Variants in ENTREP2 observed in about 807,000 individuals in gnomAD.
ENTREP2 encodes the protein protein ENTREP2.
the ENTREP2 span, among the ~76,000 whole-genome samples, chr15:29,656,164 A>G: frequency 1.2e-4 from 19 of 152,268 alleles, no homozygotes; most frequent in African/African-American, 4.6e-4. Flanking sequence ...TTTTTCATAT[A>G]AACAAAAATT....
At chr15:29,156,245 C>A in the ENTREP2 span, among the ~76,000 whole-genome samples, 2 of 151,960 alleles carry the variant, frequency 1.3e-5, no homozygotes, top group African/African-American at 4.8e-5. Flanking sequence ...AGTGCAGTAG[C>A]GTGATCTTGG....
the ENTREP2 span, among the ~76,000 whole-genome samples, chr15:29,556,762 G>GCCCCCC: frequency 2.0e-3 from 79 of 38,948 alleles, no homozygotes; most frequent in Middle Eastern, 0.011. Flanking sequence ...CCATGCAGGT[G>GCCCCCC]CCCCCCCCCC....
At chr15:29,642,544 CA>C in the ENTREP2 span, among the ~76,000 whole-genome samples, 15 of 147,386 alleles carry the variant, frequency 1.0e-4, no homozygotes, top group Admixed American at 2.7e-4. Context: ...ATCATATGTA[CA>C]TATATACACA....
chr15:29,209,242 C>T, the ENTREP2 span, among the ~76,000 whole-genome samples: 1 of 152,280 alleles, frequency 6.6e-6, no homozygotes, highest in East Asian at 1.9e-4. Flanking sequence ...TGGCTCATGC[C>T]TGTAATCCCA....
chr15:29,430,173 C>G, the ENTREP2 span, among the ~76,000 whole-genome samples: 1 of 152,106 alleles, frequency 6.6e-6, no homozygotes, highest in Non-Finnish European at 1.5e-5. Context: ...GAGATACCAC[C>G]TGTCTCCCCC....
the ENTREP2 span, among the ~76,000 whole-genome samples, chr15:29,410,881 G>A: frequency 1.3e-5 from 2 of 152,154 alleles, no homozygotes; most frequent in African/African-American, 4.8e-5. Context: ...CGCCTCCCAG[G>A]TTCAAGCAAT....
chr15:29,612,187 C>G, the ENTREP2 span, among the ~76,000 whole-genome samples: 3 of 152,166 alleles, frequency 2.0e-5, no homozygotes, highest in Non-Finnish European at 4.4e-5. Flanking sequence ...TCCTCACGTG[C>G]ATTCCACAGT....
At chr15:29,470,025 T>C in the ENTREP2 span, among the ~76,000 whole-genome samples, 1 of 152,186 alleles carries the variant, frequency 6.6e-6, no homozygotes, top group African/African-American at 2.4e-5. Flanking sequence ...AAGCCACAGA[T>C]TCAATATCAT....
At chr15:29,576,893 C>T in the ENTREP2 span, among the ~76,000 whole-genome samples, 39 of 151,956 alleles carry the variant, frequency 2.6e-4, no homozygotes, top group Admixed American at 7.2e-4. Context: ...CTGCAAGCTC[C>T]GCCTCCCAGG....
chr15:29,629,624 T>C, the ENTREP2 span, among the ~76,000 whole-genome samples: 2 of 152,230 alleles, frequency 1.3e-5, no homozygotes, highest in African/African-American at 4.8e-5. Context: ...AGTACTTCTA[T>C]ATACACTGAG....
At chr15:29,450,408 T>C in the ENTREP2 span, among the ~76,000 whole-genome samples, 1 of 152,172 alleles carries the variant, frequency 6.6e-6, no homozygotes, top group Non-Finnish European at 1.5e-5. Flanking sequence ...TTTTTGTATA[T>C]GGTGAAGGGA....
At chr15:29,316,658 A>C in the ENTREP2 span, among the ~76,000 whole-genome samples, 1 of 152,202 alleles carries the variant, frequency 6.6e-6, no homozygotes, top group East Asian at 1.9e-4. Context: ...GCTATAGCTG[A>C]GTAATGGATG....
the ENTREP2 span, among the ~76,000 whole-genome samples, chr15:29,336,031 G>A: frequency 0.63 from 94,873 of 150,688 alleles, 33,247 homozygotes; most frequent in Non-Finnish European, 0.78. Flanking sequence ...AGTCCCAGCT[G>A]CTCAAGAGGC....
At chr15:29,393,279 G>A in the ENTREP2 span, among the ~76,000 whole-genome samples, 1 of 152,190 alleles carries the variant, frequency 6.6e-6, no homozygotes, top group African/African-American at 2.4e-5. Flanking sequence ...TTTCCCTAGA[G>A]AGGCATAGTT....
At chr15:29,134,037 G>GA in the ENTREP2 span, among the ~76,000 whole-genome samples, 2 of 152,052 alleles carry the variant, frequency 1.3e-5, no homozygotes, top group South Asian at 4.1e-4. Context: ...TGACCTCCCA[G>GA]ACCTTCCATG....
the ENTREP2 span, among the ~76,000 whole-genome samples, chr15:29,540,669 G>A: frequency 2.0e-5 from 3 of 152,166 alleles, no homozygotes; most frequent in African/African-American, 4.8e-5. Context: ...ATCTATAATT[G>A]CTTGACAGCA....
chr15:29,316,073 C>T, the ENTREP2 span, among the ~76,000 whole-genome samples: 1 of 152,278 alleles, frequency 6.6e-6, no homozygotes, highest in Middle Eastern at 3.4e-3. Flanking sequence ...AAACACTTTA[C>T]TGCATAGATT....
the ENTREP2 span, among the ~76,000 whole-genome samples, chr15:29,651,190 T>G: frequency 6.6e-6 from 1 of 152,176 alleles, no homozygotes; most frequent in East Asian, 1.9e-4. Context: ...CACTCGTAAT[T>G]GATTGGAGCT....
the ENTREP2 span, chr15:29,269,567 C>A: frequency 6.5e-7 from 1 of 1,529,682 alleles, no homozygotes; most frequent in Non-Finnish European, 8.8e-7. Context: ...GTGCTCGGGG[C>A]CTCCTCGGCA....
Sources: gnomAD v4.1 joint callset for allele counts (sites outside exome capture counted in the v4.1 genomes callset) on GRCh38, gnomAD v4.1.1 for gene constraint, MANE v1.5 for transcripts, NCBI Gene and HGNC (gene_info 2026-07-23, HGNC 2026-07-21) for gene names.